The following GJA8 variants were observed in gnomAD, a reference collection of about 807,000 sequenced individuals.
GJA8 encodes the protein gap junction alpha-8 protein.
Under a neutral mutation model 15.3 loss-of-function variants are expected in GJA8, and 13 were observed. That is an observed-to-expected ratio of 0.85 (90% CI 0.55 to 1.35). The LOEUF is 1.35. GJA8 is among the 40% of genes most tolerant of loss of function. The pLI is 0.00. For missense variants in GJA8, 607 were observed against 553.3 expected, an observed-to-expected ratio of 1.10 and a Z score of -0.97; for synonymous variants, 304 against 238.7, an observed-to-expected ratio of 1.27 and a Z score of -2.52.
In GJA8 at chr1:147,909,172, C is replaced by T. The variant is rs1422524220; in HGVS notation, c.1217C>T (p.Pro406Leu). The T allele has an allele frequency of 6.8e-6, 11 of 1,612,770 alleles. No individual in the cohort carries two copies. The Admixed American group carries it at 1.0e-4, about 15-fold the overall frequency. ...GCTGAGAAGACACCTTCACTCTGTC[C>T]AGAGCTGACAACAGATGATGCCAGA... ...LPAEKTPSLC[P>L]ELTTDDARPL... Residue 406 changes from proline to leucine, a missense_variant, in exon 2 of 2, where the codon CCA (proline) becomes CTA (leucine). Physicochemically the swap from Pro to Leu is moderately conservative, Grantham distance 98. Transcript: ENST00000369235.
intron 1 of GJA8, among the ~76,000 whole-genome samples, chr1:147,906,092 G>C (rs1425099428): frequency 6.6e-6 from 1 of 152,238 alleles, no homozygotes; most frequent in Non-Finnish European, 1.5e-5. Context: ...CCAAATCACA[G>C]GTTGGAAATA....
At chr1:147,906,150 T>A (rs1553242254) in intron 1 of GJA8, among the ~76,000 whole-genome samples, 2 of 152,272 alleles carry the variant, frequency 1.3e-5, no homozygotes, top group South Asian at 4.1e-4. Context: ...ACAATAGGCA[T>A]ATCCCTTTAG....
chr1:147,912,205 C>T (rs1652188868), downstream of GJA8, among the ~76,000 whole-genome samples: 1 of 152,172 alleles, frequency 6.6e-6, no homozygotes, highest in Non-Finnish European at 1.5e-5. Flanking sequence ...ATGAGGCCTG[C>T]TGAGTGGTAC....
At chr1:147,907,861 G>A (rs1328113249) in intron 1 of GJA8, 84 bp from the exon 2 acceptor site, 2 of 944,642 alleles carry the variant, frequency 2.1e-6, no homozygotes, top group Non-Finnish European at 3.4e-6. Flanking sequence ...GGAAAGGAGA[G>A]GTACCCCGCG....
Position 147,908,117 on chromosome 1 carries a change from C to T in GJA8, c.162C>T (p.Cys54=), listed in dbSNP as rs782306932. ...GGGATGAGCAATCCGACTTCGTGTGCAACACCCAGCAGCCTGGCTGCGAGA... is the reference window on the plus strand; with the variant it reads ...GGGATGAGCAATCCGACTTCGTGTGTAACACCCAGCAGCCTGGCTGCGAGA... The part of the protein sequence containing the change: ...VWGDEQSDFV[C]NTQQPGCENV... The change falls in exon 2 of 2, where the codon TGC becomes TGT. Residue 54 remains cysteine, a synonymous_variant. Coordinates refer to ENST00000369235, the MANE Select transcript of GJA8 (RefSeq NM_005267.5). The T allele has an allele frequency of 6.2e-7, 1 of 1,614,118 alleles. No homozygotes were observed. Among genetic ancestry groups the T allele is most frequent in the Non-Finnish European group, 8.5e-7 (1 of 1,180,042 alleles).
intron 1 of GJA8, among the ~76,000 whole-genome samples, chr1:147,904,356 T>C (rs1651712847): frequency 6.6e-6 from 1 of 152,164 alleles, no homozygotes; most frequent in Non-Finnish European, 1.5e-5. Context: ...ACTGGCCTAG[T>C]TCACAGCTTG....
intron 1 of GJA8, among the ~76,000 whole-genome samples, chr1:147,907,684 C>T (rs770678968): frequency 6.6e-6 from 1 of 152,064 alleles, no homozygotes; most frequent in East Asian, 1.9e-4. Flanking sequence ...GCTTTCAGAC[C>T]ATTTGTGAAG....
intron 1 of GJA8, among the ~76,000 whole-genome samples, chr1:147,904,528 T>G (rs1265720103): frequency 1.3e-5 from 2 of 152,216 alleles, no homozygotes; most frequent in East Asian, 3.9e-4. Context: ...CTCTATCCAT[T>G]TATTTTCCAT....
At chr1:147,912,894 TTA>T (rs1491159708), downstream of GJA8, among the ~76,000 whole-genome samples, 1 of 142,204 alleles carries the variant, frequency 7.0e-6, no homozygotes, top group African/African-American at 2.7e-5. Context: ...TGGGCATTAT[TTA>T]AAAAAAAAAA....
chr1:147,906,204 A>C (rs587691235), intron 1 of GJA8, among the ~76,000 whole-genome samples: 1 of 152,348 alleles, frequency 6.6e-6, no homozygotes, highest in African/African-American at 2.4e-5. Flanking sequence ...TGGCTAGAAG[A>C]AGCCCAGAGC....
Position 147,908,911 on chromosome 1 carries a change from C to T in GJA8, c.956C>T (p.Thr319Ile), listed in dbSNP as rs148216724. Residue 319 changes from threonine (T) to isoleucine (I), a missense_variant, in exon 2 of 2, where the codon ACA becomes ATA. Coordinates refer to ENST00000369235, the MANE Select transcript of GJA8 (RefSeq NM_005267.5). The stretch of plus-strand genomic sequence containing the variant: ...GACTTGTCCCGGGGCTACCAAGAGA[C>T]ACTGCCTTCCTACGCTCAGGTGGGG... Reference protein sequence around the residue: ...LGDLSRGYQETLPSYAQVGAQ... With the variant: ...LGDLSRGYQEILPSYAQVGAQ... The T allele has an allele frequency of 6.2e-7, 1 of 1,613,262 alleles. No individual in the cohort carries two copies. The highest frequency in any genetic ancestry group is 1.7e-5 in the Admixed American group (1 of 59,972).
chr1:147,909,344 G>A (rs1268703809), downstream of GJA8: 1 of 1,032,146 alleles, frequency 9.7e-7, no homozygotes, highest in Non-Finnish European at 1.5e-6. Flanking sequence ...TGAATCTTCT[G>A]TCTCCTGTCC....
At position 147,908,626 on chromosome 1, in the gene GJA8, T is replaced by G; in HGVS notation, c.671T>G (p.Leu224Trp). 6.2e-7 allele frequency: 1 copy of G among 1,614,100 alleles called. No individual in the cohort carries two copies. The highest frequency in any genetic ancestry group is 8.5e-7 in the Non-Finnish European group (1 of 1,180,020). ...TCCCTATTCCTCAACGTGATGGAGT[T>G]GGGCCACCTGGGCCTGAAGGGGATC... ...SVSLFLNVMELGHLGLKGIRS... is the reference protein window; with the variant it reads ...SVSLFLNVMEWGHLGLKGIRS... Residue 224 changes from leucine (L) to tryptophan (W), a missense_variant, in exon 2 of 2, where the codon TTG (leucine) becomes TGG (tryptophan). Leu to Trp is a moderately conservative substitution (Grantham distance 61, BLOSUM62 -2). Transcript: ENST00000369235.
downstream of GJA8, among the ~76,000 whole-genome samples, chr1:147,909,882 T>A (rs1284128081): frequency 6.6e-6 from 1 of 152,178 alleles, no homozygotes. Context: ...ACCTTTTTTT[T>A]AGACAGGCTC....
downstream of GJA8, among the ~76,000 whole-genome samples, chr1:147,911,504 T>C (rs1652153740): frequency 6.6e-6 from 1 of 152,192 alleles, no homozygotes; most frequent in Admixed American, 6.5e-5. Flanking sequence ...TGACAAACCT[T>C]CAGTGGAGGG....
downstream of GJA8, among the ~76,000 whole-genome samples, chr1:147,911,979 C>A (rs1553243539): frequency 6.6e-6 from 1 of 151,876 alleles, no homozygotes; most frequent in Non-Finnish European, 1.5e-5. Context: ...CACATTTTCC[C>A]TCTTAGTCTT....
chr1:147,907,664 C>T (rs1487025150), intron 1 of GJA8, among the ~76,000 whole-genome samples: 1 of 152,096 alleles, frequency 6.6e-6, no homozygotes, highest in Non-Finnish European at 1.5e-5. Context: ...ACAAATATTG[C>T]CTCATTGATG....
chr1:147,907,078 G>A (rs56183249), intron 1 of GJA8, among the ~76,000 whole-genome samples: 1,644 of 151,910 alleles, frequency 0.011, 21 homozygotes, highest in African/African-American at 0.037. Flanking sequence ...GTAGAGATGG[G>A]GTCTCACTGT....
At chr1:147,911,715 G>A (rs1405168599), downstream of GJA8, among the ~76,000 whole-genome samples, 1 of 152,188 alleles carries the variant, frequency 6.6e-6, no homozygotes, top group Non-Finnish European at 1.5e-5. Context: ...TTTTGTTCCT[G>A]AAGATGCATT....
Sources: allele counts gnomAD v4.1 joint callset (sites outside exome capture counted in the v4.1 genomes callset), GRCh38; gene constraint gnomAD v4.1.1; transcripts MANE v1.5; gene names NCBI Gene and HGNC (gene_info 2026-07-23, HGNC 2026-07-21).